SLIT3: variants seen among roughly 807,000 people sequenced by gnomAD.
SLIT3 encodes the protein slit guidance ligand 3, also known as slit homolog 3 protein.
In SLIT3, 68 loss-of-function variants were observed where a neutral mutation model predicts 184.0. The observed-to-expected ratio is 0.37, with a 90% CI of 0.30 to 0.45. The LOEUF (loss-of-function observed/expected upper bound fraction) is 0.45. Among genes scored for constraint, SLIT3 ranks in the 20% least tolerant of loss-of-function variants. The pLI is 1.00. For missense variants in SLIT3, 1,707 were observed against 2,026.0 expected, an observed-to-expected ratio of 0.84 and a Z score of 3.02; for synonymous variants, 831 against 828.6, an observed-to-expected ratio of 1.00 and a Z score of -0.05.
chr5:168,822,885 G>T (rs981371704), intron 7 of SLIT3, among the ~76,000 whole-genome samples: 1 of 152,164 alleles, frequency 6.6e-6, no homozygotes, highest in African/African-American at 2.4e-5. Flanking sequence ...GATGTTACGT[G>T]ACATTAGCTA....
intron 3 of SLIT3, among the ~76,000 whole-genome samples, chr5:169,238,070 T>C (rs1334520020): frequency 6.6e-6 from 1 of 152,120 alleles, no homozygotes; most frequent in Non-Finnish European, 1.5e-5. Context: ...CGTTGATGTG[T>C]GTGTCTATTT....
Position 169,129,821 on chromosome 5 carries a change from G to GTTT in SLIT3, c.413+63655_413+63657dup, listed in dbSNP as rs556491428. Reference sequence around the variant, plus strand: ...TATACAAATGCCAGTTTCTTTGGTGGTTTTTTTTGTTTGTTTGTTTGTTTG... The same window carrying GTTT: ...TATACAAATGCCAGTTTCTTTGGTGGTTTTTTTTTTTGTTTGTTTGTTTGTTTG... On this transcript the variant is annotated intron_variant, in intron 4 of 35. Coordinates refer to ENST00000519560, the MANE Select transcript of SLIT3 (RefSeq NM_003062.4). Among the ~76,000 whole-genome samples, 7 of 149,706 alleles carry GTTT rather than the reference G, an allele frequency of 4.7e-5. No individual in the cohort carries two copies. In the South Asian group the frequency reaches 6.3e-4, roughly 14 times the overall value.
At chr5:168,811,495 T>C (rs1254243063) in intron 8 of SLIT3, among the ~76,000 whole-genome samples, 1 of 152,206 alleles carries the variant, frequency 6.6e-6, no homozygotes, top group Non-Finnish European at 1.5e-5. Flanking sequence ...CCTCCATTTA[T>C]TGCCATGAAA....
At chr5:169,106,978 T>C (rs1260496184) in intron 4 of SLIT3, among the ~76,000 whole-genome samples, 1 of 152,244 alleles carries the variant, frequency 6.6e-6, no homozygotes, top group Non-Finnish European at 1.5e-5. Flanking sequence ...GCAGGTGAGA[T>C]GCTGCCAAAC....
intron 20 of SLIT3, among the ~76,000 whole-genome samples, chr5:168,741,661 G>A (rs1356372177): frequency 6.6e-6 from 1 of 152,032 alleles, no homozygotes; most frequent in Non-Finnish European, 1.5e-5. Context: ...AACACAAGGC[G>A]ATACCTGAGA....
intron 4 of SLIT3, among the ~76,000 whole-genome samples, chr5:168,904,196 C>T (rs1354564533): frequency 3.9e-5 from 6 of 152,122 alleles, no homozygotes; most frequent in Admixed American, 1.3e-4. Flanking sequence ...AAGTTTTGTT[C>T]GCCTGCACTT....
At chr5:168,746,758 C>T (rs199662263) in intron 20 of SLIT3, among the ~76,000 whole-genome samples, 2,951 of 12,058 alleles carry the variant, frequency 0.24, 338 homozygotes, top group Admixed American at 0.32. Context: ...GTGGGTGTGG[C>T]GGTGTGTGGT....
intron 4 of SLIT3, among the ~76,000 whole-genome samples, chr5:169,097,031 G>A (rs902145250): frequency 3.9e-5 from 6 of 152,158 alleles, no homozygotes; most frequent in Admixed American, 1.3e-4. Context: ...GGTTCTGGTG[G>A]ACCATTTCCC....
chr5:168,733,950 T>C (rs1763359813), intron 20 of SLIT3, among the ~76,000 whole-genome samples: 1 of 152,164 alleles, frequency 6.6e-6, no homozygotes, highest in African/African-American at 2.4e-5. Flanking sequence ...AGTCAAATAC[T>C]ATATGTTCTT....
intron 5 of SLIT3, among the ~76,000 whole-genome samples, chr5:168,870,531 T>C (rs1487885455): frequency 6.6e-6 from 1 of 152,208 alleles, no homozygotes; most frequent in Non-Finnish European, 1.5e-5. Flanking sequence ...AGACCTGGCA[T>C]TATCCTGATT....
chr5:168,989,592 A>G (rs1234050638), intron 4 of SLIT3, among the ~76,000 whole-genome samples: 2 of 152,252 alleles, frequency 1.3e-5, no homozygotes, highest in African/African-American at 4.8e-5. Flanking sequence ...GTATCCTAAA[A>G]GAGTGAGGCA....
intron 32 of SLIT3, among the ~76,000 whole-genome samples, chr5:168,682,524 G>C (rs1761622668): frequency 6.6e-6 from 1 of 152,134 alleles, no homozygotes; most frequent in Non-Finnish European, 1.5e-5. Context: ...AGGTGATGCT[G>C]GTGCTGCTGC....
intron 4 of SLIT3, among the ~76,000 whole-genome samples, chr5:169,165,367 C>T (rs1395452961): frequency 6.6e-6 from 1 of 152,206 alleles, no homozygotes; most frequent in Non-Finnish European, 1.5e-5. Context: ...TGTATCCTTC[C>T]TTTCTGCGTA....
intron 5 of SLIT3, 86 bp from the exon 6 acceptor site, chr5:168,844,741 C>T: frequency 8.0e-7 from 1 of 1,256,560 alleles, no homozygotes; most frequent in Non-Finnish European, 1.2e-6. Flanking sequence ...GCCTGTCCCT[C>T]CACCCCCTTG....
At chr5:168,870,077 C>T (rs1442662904) in intron 5 of SLIT3, among the ~76,000 whole-genome samples, 1 of 152,236 alleles carries the variant, frequency 6.6e-6, no homozygotes, top group Non-Finnish European at 1.5e-5. Flanking sequence ...GAAACATCTG[C>T]TCCAATAAAA....
intron 4 of SLIT3, among the ~76,000 whole-genome samples, chr5:169,069,372 A>G (rs1283328468): frequency 1.3e-5 from 2 of 152,208 alleles, no homozygotes; most frequent in East Asian, 3.9e-4. Context: ...GGGCCCTAGA[A>G]TGCATGTCCC....
chr5:169,122,629 T>A (rs948732624), intron 4 of SLIT3, among the ~76,000 whole-genome samples: 2 of 152,178 alleles, frequency 1.3e-5, no homozygotes, highest in Admixed American at 6.5e-5. Context: ...CCCCAGAGCA[T>A]AGCCACATGG....
chr5:169,196,105 G>A (rs2113476629), intron 3 of SLIT3, among the ~76,000 whole-genome samples: 1 of 152,006 alleles, frequency 6.6e-6, no homozygotes, highest in East Asian at 1.9e-4. Flanking sequence ...GATTTTGCCT[G>A]GTGCTCTTTG....
At chr5:168,719,920 T>G (rs1762883663) in intron 23 of SLIT3, 1 of 152,170 alleles carries the variant, frequency 6.6e-6, no homozygotes, top group African/African-American at 2.4e-5. Flanking sequence ...AATTCTCTTT[T>G]TTTTTTCTTT....
Sources: allele counts gnomAD v4.1 joint callset (sites outside exome capture counted in the v4.1 genomes callset), GRCh38; gene constraint gnomAD v4.1.1; transcripts MANE v1.5; gene names NCBI Gene and HGNC (gene_info 2026-07-23, HGNC 2026-07-21).